KIAA0930: variants seen among roughly 807,000 people sequenced by gnomAD.
The protein encoded by KIAA0930 is KIAA0930.
A neutral mutation model predicts 43.9 loss-of-function variants in KIAA0930; 24 were observed. That is an observed-to-expected ratio of 0.55 (90% CI 0.40 to 0.77). The LOEUF (loss-of-function observed/expected upper bound fraction) is 0.77. KIAA0930 is among the 30% of genes least tolerant of loss of function. KIAA0930 has a pLI of 0.00. For missense variants in KIAA0930, 461 were observed against 574.2 expected, an observed-to-expected ratio of 0.80 and a Z score of 2.02; for synonymous variants, 259 against 216.4, an observed-to-expected ratio of 1.20 and a Z score of -1.73.
Position 45,219,178 on chromosome 22 carries a change from A to C in KIAA0930, c.65-7071T>G, listed in dbSNP as rs191550830. Among the ~76,000 whole-genome samples the C allele has an allele frequency of 2.7e-4, 41 of 152,048 alleles. No homozygotes were observed. In the East Asian group the frequency reaches 7.7e-3, roughly 29 times the overall value. On this transcript the variant is annotated intron_variant, in intron 1 of 9. Transcript: ENST00000336156. ...ACTGCCCACGTGGGTAAGTGACTGA[A>C]CCTCTCAGACCTTCAGTTTCCTCAT...
chr22:45,237,127 C>T (rs1353594650), intron 1 of KIAA0930, among the ~76,000 whole-genome samples: 1 of 152,258 alleles, frequency 6.6e-6, no homozygotes, highest in Non-Finnish European at 1.5e-5. Flanking sequence ...GGTTTGTCCC[C>T]CTTCAGTCCA....
chr22:45,226,326 G>C, intron 1 of KIAA0930: 1 of 471,100 alleles, frequency 2.1e-6, no homozygotes, highest in South Asian at 1.5e-5. Context: ...AAGCTCGTGG[G>C]GTTGGGCTTC....
intron 7 of KIAA0930, among the ~76,000 whole-genome samples, chr22:45,201,653 G>A (rs941668959): frequency 1.3e-5 from 2 of 152,174 alleles, no homozygotes; most frequent in South Asian, 2.1e-4. Flanking sequence ...CCAAAGACAA[G>A]AGAGGCCCCT....
intron 2 of KIAA0930, among the ~76,000 whole-genome samples, chr22:45,209,537 C>A (rs147863774): frequency 6.6e-6 from 1 of 152,184 alleles, no homozygotes; most frequent in Non-Finnish European, 1.5e-5. Context: ...CTCCACGGGG[C>A]GTGTCCTCAG....
intron 6 of KIAA0930, 46 bp downstream of exon 6, chr22:45,203,799 C>T (rs761555994): frequency 7.5e-5 from 120 of 1,596,186 alleles, no homozygotes; most frequent in Middle Eastern, 6.6e-4. Flanking sequence ...GTGGAGCCGC[C>T]GTCCCCGGGC....
chr22:45,223,729 GAGCACCCAGGGTCAGCACTGAGAC>G (rs1161456249), intron 1 of KIAA0930, among the ~76,000 whole-genome samples: 7 of 138,214 alleles, frequency 5.1e-5, no homozygotes, highest in Non-Finnish European at 9.3e-5. Flanking sequence ...AGCACCAGAT[GAGCACCCAGGGTCAGCACTGAGAC>G]AGCACCCAGG....
At chr22:45,212,365 C>T (rs753374473) in intron 1 of KIAA0930, 1 of 1,597,388 alleles carries the variant, frequency 6.3e-7, no homozygotes, top group Non-Finnish European at 8.6e-7. Flanking sequence ...CACAGCTGAG[C>T]CTGACTCCAG....
At position 45,205,680 on chromosome 22, in the gene KIAA0930, A is replaced by C; in HGVS notation, c.364T>G (p.Cys122Gly). ...ATGTCCCCGCCGTCAGCACGTGTGCACACCGCACAGGTCACCATGTAGTCC... is the reference window on the plus strand; with the variant it reads ...ATGTCCCCGCCGTCAGCACGTGTGCCCACCGCACAGGTCACCATGTAGTCC... ...KLDYMVTCAV[C>G]TRADGGDIHI... Residue 122 changes from cysteine to glycine, a missense_variant, in exon 4 of 10, where the codon TGC (cysteine) becomes GGC (glycine). Transcript: ENST00000336156. 6.2e-7 allele frequency: 1 copy of C among 1,614,144 alleles called. No homozygotes were observed. Among genetic ancestry groups the C allele is most frequent in the Non-Finnish European group, 8.5e-7 (1 of 1,180,028 alleles).
chr22:45,208,147 G>A (rs1601813772), intron 2 of KIAA0930, among the ~76,000 whole-genome samples: 1 of 152,178 alleles, frequency 6.6e-6, no homozygotes, highest in East Asian at 1.9e-4. Flanking sequence ...CTGACAGGAG[G>A]GTGGCCAGGC....
intron 1 of KIAA0930, among the ~76,000 whole-genome samples, chr22:45,238,695 A>G (rs1320240120): frequency 6.6e-6 from 1 of 152,068 alleles, no homozygotes; most frequent in Non-Finnish European, 1.5e-5. Context: ...GGAAGAGGGG[A>G]GACCTGGCAC....
intron 1 of KIAA0930, among the ~76,000 whole-genome samples, chr22:45,231,273 T>C (rs1483856931): frequency 2.2e-4 from 34 of 152,000 alleles, no homozygotes; most frequent in East Asian, 1.9e-4. Flanking sequence ...CCCATTTCTT[T>C]GGATTTTCAC....
intron 8 of KIAA0930, 126 bp from the exon 9 acceptor site, chr22:45,198,074 C>T (rs1904526793): frequency 1.2e-6 from 1 of 853,464 alleles, no homozygotes; most frequent in South Asian, 1.6e-5. Flanking sequence ...TACCAACACC[C>T]CCACACCAGC....
At chr22:45,224,420 G>A (rs1226522089) in intron 1 of KIAA0930, among the ~76,000 whole-genome samples, 1 of 152,106 alleles carries the variant, frequency 6.6e-6, no homozygotes, top group Non-Finnish European at 1.5e-5. Flanking sequence ...CAGGCGTGGT[G>A]CTCAACACTG....
At position 45,234,218 on chromosome 22, in the gene KIAA0930, G is replaced by A. The variant is rs549403380; in HGVS notation, c.64+6422C>T. On this transcript the variant is annotated intron_variant, in intron 1 of 9. Coordinates refer to ENST00000336156, the MANE Select transcript of KIAA0930 (RefSeq NM_001009880.2). Reference sequence around the variant, plus strand: ...GACCAGGAGTGGAAGGTCAGTGTGCGTGTGGGTGCCGTTGGGGAGCTGGCC... The same window carrying A: ...GACCAGGAGTGGAAGGTCAGTGTGCATGTGGGTGCCGTTGGGGAGCTGGCC... Among the ~76,000 whole-genome samples the A allele has an allele frequency of 1.5e-4, 23 of 152,288 alleles. No homozygotes were observed. In the East Asian group the frequency reaches 4.1e-3, roughly 27 times the overall value.
At chr22:45,221,274 G>C (rs2083765916) in intron 1 of KIAA0930, among the ~76,000 whole-genome samples, 3 of 152,204 alleles carry the variant, frequency 2.0e-5, no homozygotes, top group African/African-American at 7.2e-5. Context: ...CAAATTCCAT[G>C]AAAGTCCAGA....
rs761236685 is a variant in KIAA0930, at chr22:45,222,327, CTTAT to C, written c.65-10224_65-10221del. Among the ~76,000 whole-genome samples the C allele has an allele frequency of 5.3e-5, 8 of 152,234 alleles. No individual in the cohort carries two copies. The East Asian group carries it at 1.4e-3, about 26-fold the overall frequency. On this transcript the variant is annotated intron_variant, in intron 1 of 9. Coordinates refer to ENST00000336156, the MANE Select transcript of KIAA0930 (RefSeq NM_001009880.2). ...AACTATATAAACACTTAAAATTTCTCTTATTTGAGACAGGGTCCCACTCTGTCAC... is the reference window on the plus strand; with the variant it reads ...AACTATATAAACACTTAAAATTTCTCTTGAGACAGGGTCCCACTCTGTCAC...
chr22:45,220,314 G>T (rs1326056835), intron 1 of KIAA0930, among the ~76,000 whole-genome samples: 2 of 151,982 alleles, frequency 1.3e-5, no homozygotes, highest in South Asian at 2.1e-4. Flanking sequence ...AATTAGCCGG[G>T]TGCGGTGGCA....
chr22:45,200,237 G>A, intron 7 of KIAA0930: 2 of 476,160 alleles, frequency 4.2e-6, no homozygotes, highest in Non-Finnish European at 3.6e-6. Flanking sequence ...GGGGCCAGCA[G>A]GACACCTGGC....
chr22:45,212,578 G>C, intron 1 of KIAA0930: 2 of 1,381,950 alleles, frequency 1.4e-6, no homozygotes, highest in Non-Finnish European at 1.9e-6. Flanking sequence ...GACTTAAAGG[G>C]ACAGCCGCCC....
Sources: allele counts gnomAD v4.1 joint callset (sites outside exome capture counted in the v4.1 genomes callset), GRCh38; gene constraint gnomAD v4.1.1; transcripts MANE v1.5; gene names NCBI Gene and HGNC (gene_info 2026-07-23, HGNC 2026-07-21).